Variants in PLPPR1 observed in about 807,000 individuals in gnomAD.
PLPPR1 encodes the protein phospholipid phosphatase-related protein type 1.
Under a neutral mutation model 33.1 loss-of-function variants are expected in PLPPR1, and 10 were observed. The observed-to-expected ratio is 0.30, with a 90% CI of 0.19 to 0.51. PLPPR1 has a LOEUF of 0.51. Ranked by LOEUF, PLPPR1 falls within the 20% of genes least tolerant of loss-of-function variation. PLPPR1 has a pLI of 0.97. For missense variants in PLPPR1, 304 were observed against 408.1 expected (o/e 0.74, Z 2.20); for synonymous variants, 151 against 151.0 (o/e 1.00, Z 0.00).
chr9:101,104,652 G>T (rs1366145974), intron 1 of PLPPR1, among the ~76,000 whole-genome samples: 2 of 108,538 alleles, frequency 1.8e-5, no homozygotes, highest in Admixed American at 9.4e-5. Flanking sequence ...TCAGAATGAT[G>T]CTGGCCTCAT....
chr9:101,112,633 C>T (rs1367119523), intron 1 of PLPPR1, among the ~76,000 whole-genome samples: 1 of 152,196 alleles, frequency 6.6e-6, no homozygotes, highest in Non-Finnish European at 1.5e-5. Context: ...CCAAGCAGTG[C>T]AGAACTGAGC....
At chr9:101,265,777 A>ACGAGGTCAGAAGTT (rs931029835) in intron 2 of PLPPR1, among the ~76,000 whole-genome samples, 23 of 151,868 alleles carry the variant, frequency 1.5e-4, no homozygotes, top group Non-Finnish European at 1.5e-4. Flanking sequence ...CAGGCGGATC[A>ACGAGGTCAGAAGTT]CGAGGTCAGA....
intron 3 of PLPPR1, among the ~76,000 whole-genome samples, chr9:101,279,842 C>T (rs1828264682): frequency 6.6e-6 from 1 of 152,036 alleles, no homozygotes; most frequent in African/African-American, 2.4e-5. Flanking sequence ...TAGCAATAAA[C>T]TCCTACAGCA....
At chr9:101,180,141 T>TAC (rs1283593401) in intron 1 of PLPPR1, among the ~76,000 whole-genome samples, 12 of 28,932 alleles carry the variant, frequency 4.1e-4, no homozygotes, top group South Asian at 6.9e-4. Flanking sequence ...TATATATATA[T>TAC]ATACACACAC....
intron 2 of PLPPR1, among the ~76,000 whole-genome samples, chr9:101,248,071 G>A (rs1031278614): frequency 2.0e-5 from 3 of 151,984 alleles, no homozygotes; most frequent in East Asian, 1.9e-4. Context: ...AGAGGGTGAG[G>A]TATAAGGTGT....
intron 2 of PLPPR1, among the ~76,000 whole-genome samples, chr9:101,225,989 G>A: frequency 6.6e-6 from 1 of 152,128 alleles, no homozygotes; most frequent in African/African-American, 2.4e-5. Flanking sequence ...CAGTAAGTAA[G>A]TGAGAAAACT....
At chr9:101,188,070 G>A (rs1239236324) in intron 2 of PLPPR1, 2 of 151,996 alleles carry the variant, frequency 1.3e-5, no homozygotes, top group African/African-American at 2.4e-5. Flanking sequence ...TTATGTTTCT[G>A]AGATTTATCC....
At chr9:101,323,695 C>T (rs1384810603) in intron 7 of PLPPR1, among the ~76,000 whole-genome samples, 4 of 151,868 alleles carry the variant, frequency 2.6e-5, no homozygotes, top group Admixed American at 6.6e-5. Flanking sequence ...CAAAATTAGC[C>T]GGGCATGGTG....
intron 2 of PLPPR1, among the ~76,000 whole-genome samples, chr9:101,216,740 T>G (rs957281929): frequency 2.6e-5 from 4 of 152,246 alleles, no homozygotes; most frequent in East Asian, 3.9e-4. Context: ...CAGATAATTT[T>G]TTATTGTGGA....
At chr9:101,296,474 A>G (rs933086023) in intron 4 of PLPPR1, among the ~76,000 whole-genome samples, 1 of 151,842 alleles carries the variant, frequency 6.6e-6, no homozygotes, top group Non-Finnish European at 1.5e-5. Context: ...ACTATAAATC[A>G]TGCTGCTATA....
chr9:101,286,343 C>A, intron 4 of PLPPR1, 107 bp downstream of exon 4: 1 of 1,083,148 alleles, frequency 9.2e-7, no homozygotes, highest in Non-Finnish European at 1.3e-6. Flanking sequence ...AAAGCAAGGG[C>A]TGCTTTGGGG....
intron 1 of PLPPR1, among the ~76,000 whole-genome samples, chr9:101,125,129 T>C (rs1217240909): frequency 6.6e-6 from 1 of 151,084 alleles, no homozygotes; most frequent in East Asian, 1.9e-4. Flanking sequence ...GGCACTGACC[T>C]TATATTGCTA....
intron 2 of PLPPR1, among the ~76,000 whole-genome samples, chr9:101,201,728 C>T (rs963931027): frequency 2.6e-5 from 4 of 152,106 alleles, no homozygotes; most frequent in South Asian, 2.1e-4. Flanking sequence ...TATCAGTTCA[C>T]GGGTATTCTT....
In PLPPR1 at chr9:101,180,094, TTATATATATATATATATATATATA is replaced by T. The variant is rs71507977; in HGVS notation, c.-45-5329_-45-5306del. Among the ~76,000 whole-genome samples the T allele has an allele frequency of 1.6e-3, 99 of 62,012 alleles. 4 individuals are homozygous for T. Among genetic ancestry groups the T allele is most frequent in the East Asian group, 4.6e-3 (9 of 1,976 alleles). The allele number at this position is 62,012 out of a possible 152,430, so 40.7% of individuals were successfully genotyped here. The stretch of plus-strand genomic sequence containing the variant: ...GAGTTAATACTTAATAAACTCTCCT[TTATATATATATATATATATATATA>T]TATATATATATATATATATATATAT... On this transcript the variant is annotated intron_variant, in intron 1 of 7. Coordinates refer to ENST00000374874, the MANE Select transcript of PLPPR1 (RefSeq NM_207299.2).
chr9:101,316,246 C>T (rs918308034), intron 6 of PLPPR1, among the ~76,000 whole-genome samples: 1 of 152,072 alleles, frequency 6.6e-6, no homozygotes, highest in Non-Finnish European at 1.5e-5. Flanking sequence ...ACCATCCTGG[C>T]TAACACGGTG....
In PLPPR1 at chr9:101,292,604, T is replaced by G. The variant is rs1002526978; in HGVS notation, c.385+6368T>G. On this transcript the variant is annotated intron_variant, in intron 4 of 7. Transcript: ENST00000374874. Reference sequence around the variant, plus strand: ...TAACAGCGGATCTCTTGGCAGAAACTCTGCAAGCCAGAAGAGAGTTGGGCG... The same window carrying G: ...TAACAGCGGATCTCTTGGCAGAAACGCTGCAAGCCAGAAGAGAGTTGGGCG... Among the ~76,000 whole-genome samples, 245 of 134,610 alleles carry G rather than the reference T, an allele frequency of 1.8e-3. 1 individual carries two copies. The highest frequency in any genetic ancestry group is 3.0e-3 in the Non-Finnish European group (192 of 63,822). 88.3% of individuals were successfully genotyped at this position (134,610 alleles called of 152,430 possible). A position where few individuals can be genotyped will look rare whatever the true frequency, so the allele number is the denominator to read the frequency against.
intron 1 of PLPPR1, among the ~76,000 whole-genome samples, chr9:101,100,071 G>C (rs1830878336): frequency 6.6e-6 from 1 of 151,910 alleles, no homozygotes; most frequent in South Asian, 2.1e-4. Context: ...CGGTCAGAGG[G>C]GCTCATCATT....
chr9:101,260,200 A>ATTTAGGCT (rs1168421799), intron 2 of PLPPR1, among the ~76,000 whole-genome samples: 3 of 152,148 alleles, frequency 2.0e-5, no homozygotes, highest in African/African-American at 7.2e-5. Flanking sequence ...CACATTGGGG[A>ATTTAGGCT]TTTAGGCTTT....
At chr9:101,089,145 A>G (rs1830713243) in intron 1 of PLPPR1, among the ~76,000 whole-genome samples, 1 of 152,136 alleles carries the variant, frequency 6.6e-6, no homozygotes, top group Non-Finnish European at 1.5e-5. Flanking sequence ...CATTATGCTA[A>G]TATGTGTTAA....
Sources: allele counts gnomAD v4.1 joint callset (sites outside exome capture counted in the v4.1 genomes callset), GRCh38; gene constraint gnomAD v4.1.1; transcripts MANE v1.5; gene names NCBI Gene and HGNC (gene_info 2026-07-23, HGNC 2026-07-21).